Variants in PHACTR3 observed in about 807,000 individuals in gnomAD.
PHACTR3 encodes the protein phosphatase and actin regulator 3.
A neutral mutation model predicts 66.8 loss-of-function variants in PHACTR3; 16 were observed. The ratio of observed to expected loss-of-function variants is 0.24; its 90% confidence interval spans 0.16 to 0.36. The LOEUF (loss-of-function observed/expected upper bound fraction) is 0.36. Ranked by LOEUF, PHACTR3 falls within the 10% of genes least tolerant of loss-of-function variation. The probability of loss-of-function intolerance (pLI) is 1.00; values close to 1 mark genes in which losing one functional copy is unlikely to be tolerated. For missense variants in PHACTR3, 647 were observed against 719.9 expected (o/e 0.90, Z 1.16); for synonymous variants, 323 against 292.1 (o/e 1.11, Z -1.08).
chr20:59,765,166 A>G (rs1363508511), intron 4 of PHACTR3, among the ~76,000 whole-genome samples: 2 of 152,220 alleles, frequency 1.3e-5, no homozygotes, highest in African/African-American at 4.8e-5. Context: ...TCAGGGCAAA[A>G]CTTACTAAGT....
At chr20:59,702,076 G>A (rs574948203) in intron 1 of PHACTR3, among the ~76,000 whole-genome samples, 10 of 152,232 alleles carry the variant, frequency 6.6e-5, no homozygotes, top group African/African-American at 1.4e-4. Flanking sequence ...GTCCATTGTC[G>A]GGATGTACCC....
chr20:59,655,237 G>GAAATGGTAT, intron 1 of PHACTR3, among the ~76,000 whole-genome samples: 1 of 151,990 alleles, frequency 6.6e-6, no homozygotes, highest in Non-Finnish European at 1.5e-5. Flanking sequence ...AGGCTGATAT[G>GAAATGGTAT]AAATGGTATC....
rs1437392893 is a variant in PHACTR3 at position 59,738,788 on chromosome 20, A to G, written c.119-4319A>G. 6.6e-6 allele frequency among the ~76,000 whole-genome samples: 1 copy of G among 152,104 alleles called. No homozygotes were observed. Among genetic ancestry groups the G allele is most frequent in the South Asian group, 2.1e-4 (1 of 4,816 alleles). ...GCCGATCCTTTGTGAAGGAGGTGAGATATAAATAAAGCAATGATTATGCTC... is the reference window on the plus strand; with the variant it reads ...GCCGATCCTTTGTGAAGGAGGTGAGGTATAAATAAAGCAATGATTATGCTC... On this transcript the variant is annotated intron_variant, in intron 1 of 12. Coordinates refer to ENST00000371015, the MANE Select transcript of PHACTR3 (RefSeq NM_080672.5). The surrounding 1 kb of genome is among the most constrained non-coding windows in gnomAD (Gnocchi z 4.4).
intron 3 of PHACTR3, among the ~76,000 whole-genome samples, chr20:59,750,155 G>A (rs1182475): frequency 0.63 from 95,049 of 151,766 alleles, 30,013 homozygotes; most frequent in Non-Finnish European, 0.65. Flanking sequence ...GGCAACTCAC[G>A]ACCACAGTGA....
intron 1 of PHACTR3, among the ~76,000 whole-genome samples, chr20:59,709,928 T>G (rs2146641477): frequency 6.6e-6 from 1 of 152,282 alleles, no homozygotes; most frequent in South Asian, 2.1e-4. Flanking sequence ...CTTGTAGTGA[T>G]ATGGGACATG....
intron 7 of PHACTR3, among the ~76,000 whole-genome samples, chr20:59,775,892 TG>T (rs1351873333): frequency 1.3e-5 from 2 of 152,188 alleles, no homozygotes; most frequent in African/African-American, 4.8e-5. Flanking sequence ...GATTCTCTGC[TG>T]GGGAGGGGGC....
At chr20:59,758,069 G>A (rs886555727) in intron 4 of PHACTR3, among the ~76,000 whole-genome samples, 4 of 152,140 alleles carry the variant, frequency 2.6e-5, no homozygotes, top group East Asian at 1.9e-4. Context: ...ATGGAGAGTC[G>A]ATGGGATTTG....
intron 1 of PHACTR3, among the ~76,000 whole-genome samples, chr20:59,642,807 A>G (rs1329897368): frequency 6.6e-5 from 10 of 152,232 alleles, no homozygotes; most frequent in African/African-American, 2.2e-4. Context: ...GGTGCATGAC[A>G]GCAACTTGCT....
At chr20:59,685,480 G>A (rs981771145) in intron 1 of PHACTR3, among the ~76,000 whole-genome samples, 7 of 152,168 alleles carry the variant, frequency 4.6e-5, no homozygotes, top group African/African-American at 9.7e-5. Context: ...GACCCGTCTG[G>A]TAGGGTTGTT....
intron 1 of PHACTR3, among the ~76,000 whole-genome samples, chr20:59,698,469 A>G (rs1185168081): frequency 6.6e-6 from 1 of 152,142 alleles, no homozygotes; most frequent in African/African-American, 2.4e-5. Context: ...GGAATGCTTC[A>G]TTATATATTA....
upstream of PHACTR3, among the ~76,000 whole-genome samples, chr20:59,602,387 C>T (rs2033502685): frequency 6.6e-6 from 1 of 150,536 alleles, no homozygotes; most frequent in South Asian, 2.1e-4. Context: ...ACTATGATTG[C>T]CCCCGTGAAT....
chr20:59,801,012 A>G (rs1233815581), intron 7 of PHACTR3, among the ~76,000 whole-genome samples: 5 of 152,322 alleles, frequency 3.3e-5, no homozygotes, highest in East Asian at 3.9e-4. Flanking sequence ...TGCACCGGGC[A>G]CTGCTATCTC....
At chr20:59,753,583 C>G (rs1020635978) in intron 3 of PHACTR3, among the ~76,000 whole-genome samples, 1 of 152,170 alleles carries the variant, frequency 6.6e-6, no homozygotes, top group Non-Finnish European at 1.5e-5. Context: ...GAAACCATCA[C>G]CAACAACAAT....
At chr20:59,755,125 C>A (rs556206067) in intron 3 of PHACTR3, 57 bp from the exon 4 acceptor site, 41 of 1,546,346 alleles carry the variant, frequency 2.7e-5, no homozygotes, top group Non-Finnish European at 3.0e-5. Context: ...CTTGGGACGA[C>A]GGAAGGGATG....
intron 1 of PHACTR3, among the ~76,000 whole-genome samples, chr20:59,640,830 G>A (rs976119655): frequency 6.6e-6 from 1 of 152,138 alleles, no homozygotes; most frequent in Admixed American, 6.5e-5. Flanking sequence ...CATTGCAAAA[G>A]AATCTTAAAT....
chr20:59,593,454 C>G (rs1046152809), intron 1 of PHACTR3, among the ~76,000 whole-genome samples: 1 of 151,638 alleles, frequency 6.6e-6, no homozygotes, highest in Non-Finnish European at 1.5e-5. Context: ...TTCAGCTTCT[C>G]TTTTCAATCT....
intron 1 of PHACTR3, among the ~76,000 whole-genome samples, chr20:59,651,156 T>C (rs777798343): frequency 6.6e-6 from 1 of 152,052 alleles, no homozygotes; most frequent in Non-Finnish European, 1.5e-5. Flanking sequence ...AATCAGGAGT[T>C]CGAGGCTGCA....
At chr20:59,806,651 G>GCTAC (rs1254957251) in intron 8 of PHACTR3, among the ~76,000 whole-genome samples, 1 of 152,146 alleles carries the variant, frequency 6.6e-6, no homozygotes, top group Non-Finnish European at 1.5e-5. Context: ...GTCAAGTAAA[G>GCTAC]CTACCCCCCC....
At chr20:59,746,450 A>G (rs1261987216) in intron 2 of PHACTR3, among the ~76,000 whole-genome samples, 1 of 152,220 alleles carries the variant, frequency 6.6e-6, no homozygotes, top group African/African-American at 2.4e-5. Flanking sequence ...GGTGCTCAGT[A>G]AATGTGTAAG....
Sources: gnomAD v4.1 joint callset for allele counts (sites outside exome capture counted in the v4.1 genomes callset) on GRCh38, gnomAD v4.1.1 for gene constraint, Gnocchi (gnomAD v3.1) non-coding constraint, MANE v1.5 for transcripts, NCBI Gene and HGNC (gene_info 2026-07-23, HGNC 2026-07-21) for gene names.